Variants in INPP5A observed in about 807,000 individuals in gnomAD.
The protein encoded by INPP5A is inositol polyphosphate-5-phosphatase A.
In INPP5A, 14 loss-of-function variants were observed where a neutral mutation model predicts 65.2. The observed-to-expected ratio is 0.21, with a 90% confidence interval of 0.14 to 0.34. The LOEUF is 0.34. INPP5A is among the 10% of genes least tolerant of loss of function. The probability of loss-of-function intolerance (pLI) is 1.00; values close to 1 mark genes in which losing one functional copy is unlikely to be tolerated. For missense variants in INPP5A, 431 were observed against 545.6 expected, an observed-to-expected ratio of 0.79 and a Z score of 2.09; for synonymous variants, 207 against 208.3, an observed-to-expected ratio of 0.99 and a Z score of 0.05.
At chr10:132,765,495 C>T (rs958756494) in intron 11 of INPP5A, among the ~76,000 whole-genome samples, 3 of 152,140 alleles carry the variant, frequency 2.0e-5, no homozygotes, top group East Asian at 1.9e-4. Flanking sequence ...CGGCAGTGCC[C>T]GAGGCCATGA....
chr10:132,559,190 G>A (rs372003075), intron 1 of INPP5A, among the ~76,000 whole-genome samples: 2 of 152,214 alleles, frequency 1.3e-5, no homozygotes, highest in East Asian at 1.9e-4. Flanking sequence ...GCTCGGGGCC[G>A]TCGGTGGCTT....
At chr10:132,559,072 G>A (rs1168101485) in intron 1 of INPP5A, among the ~76,000 whole-genome samples, 1 of 152,212 alleles carries the variant, frequency 6.6e-6, no homozygotes, top group Non-Finnish European at 1.5e-5. Context: ...TGCCCAGCCA[G>A]CTTCCTGAGG....
chr10:132,677,883 A>G (rs944410090), intron 4 of INPP5A, among the ~76,000 whole-genome samples: 3 of 152,252 alleles, frequency 2.0e-5, no homozygotes, highest in Non-Finnish European at 4.4e-5. Flanking sequence ...GGCACGCTTT[A>G]TAAAATGCTC....
chr10:132,710,564 G>T (rs1590944401), intron 8 of INPP5A, 108 bp downstream of exon 8: 3 of 1,467,766 alleles, frequency 2.0e-6, no homozygotes, highest in South Asian at 1.3e-5. Context: ...TGCTGGGCAG[G>T]TCGGTGTGGG....
chr10:132,702,941 C>T (rs911223427), intron 6 of INPP5A, among the ~76,000 whole-genome samples: 13 of 152,146 alleles, frequency 8.5e-5, no homozygotes, highest in South Asian at 4.1e-4. Context: ...GGCACTACCG[C>T]GAGTCTGGAC....
chr10:132,748,223 C>T (rs914887488), intron 9 of INPP5A, among the ~76,000 whole-genome samples: 6 of 152,266 alleles, frequency 3.9e-5, no homozygotes, highest in South Asian at 4.1e-4. Flanking sequence ...TCTGTCTCTC[C>T]GACTTCGCCA....
At chr10:132,755,660 G>A (rs1347088269) in intron 11 of INPP5A, among the ~76,000 whole-genome samples, 2 of 151,990 alleles carry the variant, frequency 1.3e-5, no homozygotes, top group Non-Finnish European at 2.9e-5. Flanking sequence ...ATGAGCGTGA[G>A]CAGGTGTGTG....
At chr10:132,711,101 A>G (rs966120574) in intron 8 of INPP5A, among the ~76,000 whole-genome samples, 1 of 152,202 alleles carries the variant, frequency 6.6e-6, no homozygotes, top group African/African-American at 2.4e-5. Flanking sequence ...TGTGGGAAAG[A>G]TAAGAAAACG....
intron 1 of INPP5A, among the ~76,000 whole-genome samples, chr10:132,597,920 TG>T (rs2071727821): frequency 2.0e-5 from 3 of 152,100 alleles, no homozygotes; most frequent in South Asian, 2.1e-4. Context: ...GGGCCTGTGG[TG>T]CGTCCTGCGG....
intron 9 of INPP5A, among the ~76,000 whole-genome samples, chr10:132,732,850 T>C (rs1846110176): frequency 6.6e-6 from 1 of 152,064 alleles, no homozygotes; most frequent in Non-Finnish European, 1.5e-5. Flanking sequence ...TCTGTTGACG[T>C]GGAATGTGCG....
intron 1 of INPP5A, among the ~76,000 whole-genome samples, chr10:132,563,112 G>C (rs571882212): frequency 8.5e-5 from 13 of 152,362 alleles, no homozygotes; most frequent in African/African-American, 3.1e-4. Context: ...ACCAGATGGG[G>C]AGGGGCTGGG....
At chr10:132,628,781 A>T (rs1194576744) in intron 2 of INPP5A, among the ~76,000 whole-genome samples, 1 of 152,240 alleles carries the variant, frequency 6.6e-6, no homozygotes, top group African/African-American at 2.4e-5. Context: ...TTCTCTTAGA[A>T]TCTAGCCCAG....
At chr10:132,670,447 A>G (rs1310702730) in intron 4 of INPP5A, among the ~76,000 whole-genome samples, 1 of 30,758 alleles carries the variant, frequency 3.3e-5, no homozygotes, top group Non-Finnish European at 6.0e-5. Flanking sequence ...ACCCCCTGAC[A>G]CCACCCCACA....
chr10:132,763,172 G>A (rs1249132933), intron 11 of INPP5A, among the ~76,000 whole-genome samples: 1 of 152,226 alleles, frequency 6.6e-6, no homozygotes, highest in African/African-American at 2.4e-5. Context: ...GCATTTTGGT[G>A]AAAGCCACAG....
At chr10:132,629,264 T>C (rs947203802) in intron 2 of INPP5A, among the ~76,000 whole-genome samples, 7 of 152,260 alleles carry the variant, frequency 4.6e-5, no homozygotes, top group Non-Finnish European at 8.8e-5. Flanking sequence ...CCTCCCCTCC[T>C]AAGAGCTCCA....
At chr10:132,712,530 TTGTG>T (rs140385122) in intron 8 of INPP5A, among the ~76,000 whole-genome samples, 1 of 149,386 alleles carries the variant, frequency 6.7e-6, no homozygotes, top group Middle Eastern at 3.4e-3. Context: ...GGGGGTTGCA[TTGTG>T]TGTGCACACG....
chr10:132,564,426 G>C lies in INPP5A; in HGVS notation c.75+26255G>C, dbSNP rs187861627. Among the ~76,000 whole-genome samples, 219 of 152,164 alleles carry C rather than the reference G, an allele frequency of 1.4e-3. 2 individuals carry two copies. The highest frequency in any genetic ancestry group is 0.012 in the Admixed American group (182 of 15,302). Reference sequence around the variant, plus strand: ...CTGCTCAATGGGTGAGTGACAAATGGTTTTTCATGGTAGCCAGGGTCTCCC... The same window carrying C: ...CTGCTCAATGGGTGAGTGACAAATGCTTTTTCATGGTAGCCAGGGTCTCCC... On this transcript the variant is annotated intron_variant, in intron 1 of 15. Coordinates refer to ENST00000368594, the MANE Select transcript of INPP5A (RefSeq NM_005539.5).
At chr10:132,577,439 A>G (rs1216537648) in intron 1 of INPP5A, among the ~76,000 whole-genome samples, 1 of 152,132 alleles carries the variant, frequency 6.6e-6, no homozygotes, top group Non-Finnish European at 1.5e-5. Flanking sequence ...TCACACGTTT[A>G]TCTCGGGCTG....
Position 132,547,560 on chromosome 10 carries a change from G to A in INPP5A, c.75+9389G>A, listed in dbSNP as rs760834596. 2.0e-5 allele frequency among the ~76,000 whole-genome samples: 3 copies of A among 152,182 alleles called. No individual in the cohort carries two copies. The highest frequency in any genetic ancestry group is 7.2e-5 in the African/African-American group (3 of 41,454). On this transcript the variant is annotated intron_variant, in intron 1 of 15. Coordinates refer to ENST00000368594, the MANE Select transcript of INPP5A (RefSeq NM_005539.5). This position sits in a 1 kb window ranked among gnomAD's most constrained non-coding sequence, Gnocchi z 5.5. ...GCATCTGGGGTTCCCGGGAGGCCGG[G>A]CACCTGCACCCTCGCCGTCGCCCTG...
Sources: gnomAD v4.1 joint callset for allele counts (sites outside exome capture counted in the v4.1 genomes callset) on GRCh38, gnomAD v4.1.1 for gene constraint, Gnocchi (gnomAD v3.1) non-coding constraint, MANE v1.5 for transcripts, NCBI Gene and HGNC (gene_info 2026-07-23, HGNC 2026-07-21) for gene names.